The following CRY1 variants were observed in gnomAD, a reference collection of about 807,000 sequenced individuals.
CRY1 encodes cryptochrome circadian regulator 1.
Under a neutral mutation model 76.0 loss-of-function variants are expected in CRY1, and 45 were observed. The observed-to-expected ratio is 0.59, with a 90% CI of 0.47 to 0.76. The LOEUF is 0.76. Ranked by LOEUF, CRY1 falls within the 30% of genes least tolerant of loss-of-function variation. The pLI is 0.00. For synonymous variants in CRY1, 248 were observed against 244.0 expected (o/e 1.02, Z -0.15); for missense variants, 587 against 716.4 (o/e 0.82, Z 2.06).
chr12:107,069,682 GTATA>G (rs1297236389), intron 1 of CRY1, among the ~76,000 whole-genome samples: 17 of 138,118 alleles, frequency 1.2e-4, no homozygotes, highest in Admixed American at 1.5e-4. Context: ...TATATATAAA[GTATA>G]TATATAAAGT....
chr12:107,075,291 G>A (rs760841856), intron 1 of CRY1, among the ~76,000 whole-genome samples: 10 of 152,074 alleles, frequency 6.6e-5, no homozygotes, highest in African/African-American at 2.2e-4. Flanking sequence ...TTTTCATCAC[G>A]TAATTTAAAT....
intron 1 of CRY1, among the ~76,000 whole-genome samples, chr12:107,050,953 G>A (rs1407699869): frequency 6.6e-6 from 1 of 152,162 alleles, no homozygotes; most frequent in Admixed American, 6.6e-5. Context: ...GACTTAACAG[G>A]AAGTGAGTAT....
intron 1 of CRY1, among the ~76,000 whole-genome samples, chr12:107,068,257 T>C (rs1489492304): frequency 2.6e-5 from 4 of 152,340 alleles, no homozygotes; most frequent in Admixed American, 6.5e-5. Context: ...ACTATTTGAT[T>C]ACAATTTTTT....
chr12:107,024,805 A>G (rs1256299853), intron 1 of CRY1, among the ~76,000 whole-genome samples: 2 of 152,228 alleles, frequency 1.3e-5, no homozygotes, highest in East Asian at 3.8e-4. Flanking sequence ...ACAAAAGACT[A>G]AAAGCTGTAT....
intron 1 of CRY1, among the ~76,000 whole-genome samples, chr12:107,089,991 A>C (rs978499823): frequency 2.0e-5 from 3 of 152,204 alleles, no homozygotes; most frequent in African/African-American, 7.2e-5. Context: ...AAATTGCTAA[A>C]TCCAATTTTT....
At chr12:107,058,803 C>A (rs1481649475) in intron 1 of CRY1, among the ~76,000 whole-genome samples, 1 of 152,122 alleles carries the variant, frequency 6.6e-6, no homozygotes, top group Non-Finnish European at 1.5e-5. Flanking sequence ...AAATTCTAAC[C>A]TGGAATAAGG....
chr12:107,074,036 A>C (rs1194004003), intron 1 of CRY1, among the ~76,000 whole-genome samples: 1 of 152,168 alleles, frequency 6.6e-6, no homozygotes, highest in African/African-American at 2.4e-5. Flanking sequence ...GGGATCTCAA[A>C]ATATAATCAG....
chr12:107,039,247 G>A (rs2136864602), intron 1 of CRY1, among the ~76,000 whole-genome samples: 1 of 152,258 alleles, frequency 6.6e-6, no homozygotes, highest in East Asian at 1.9e-4. Flanking sequence ...GAAAACAGAG[G>A]AAAAAGCTTT....
chr12:107,008,958 T>C (rs1356346555), intron 2 of CRY1, among the ~76,000 whole-genome samples: 1 of 152,170 alleles, frequency 6.6e-6, no homozygotes, highest in Middle Eastern at 3.2e-3. Flanking sequence ...AAACTGTGAG[T>C]CAATTACATC....
At chr12:107,090,216 G>C (rs543349634) in intron 1 of CRY1, among the ~76,000 whole-genome samples, 1 of 151,438 alleles carries the variant, frequency 6.6e-6, no homozygotes, top group Non-Finnish European at 1.5e-5. Flanking sequence ...CAGCCTCCTC[G>C]AGTAGCTGGG....
At chr12:107,062,665 A>G (rs1306665578) in intron 1 of CRY1, among the ~76,000 whole-genome samples, 1 of 152,220 alleles carries the variant, frequency 6.6e-6, no homozygotes, top group Non-Finnish European at 1.5e-5. Flanking sequence ...CATTTCTACA[A>G]TGCACACTGG....
At position 107,075,859 on chromosome 12, in the gene CRY1, G is replaced by A. The variant is rs572590004; in HGVS notation, c.158+16945C>T. On this transcript the variant is annotated intron_variant, in intron 1 of 12. Transcript: ENST00000008527. ...ATGGATATGAGATTTAATTTGAAGG[G>A]AAAAGCTCTAACAATTGTTTTAGGA... 9.9e-5 allele frequency among the ~76,000 whole-genome samples: 15 copies of A among 152,232 alleles called. No individual in the cohort carries two copies. The South Asian group carries it at 2.9e-3, about 30-fold the overall frequency.
At chr12:107,011,988 G>C (rs1952449856) in intron 2 of CRY1, among the ~76,000 whole-genome samples, 1 of 152,060 alleles carries the variant, frequency 6.6e-6, no homozygotes, top group African/African-American at 2.4e-5. Flanking sequence ...TCAGGAGTTC[G>C]AGACCAGTCT....
At chr12:107,068,890 T>C (rs1278292044) in intron 1 of CRY1, among the ~76,000 whole-genome samples, 1 of 152,224 alleles carries the variant, frequency 6.6e-6, no homozygotes, top group Non-Finnish European at 1.5e-5. Context: ...GTGTCTGACA[T>C]CCATGTTGTA....
chr12:107,048,087 AT>A (rs35101973), intron 1 of CRY1, among the ~76,000 whole-genome samples: 4 of 149,914 alleles, frequency 2.7e-5, no homozygotes, highest in South Asian at 2.1e-4. Flanking sequence ...ATCCATTCAG[AT>A]TTTTTTTTTT....
chr12:107,001,824 T>C lies in CRY1; in HGVS notation c.535A>G (p.Thr179Ala), dbSNP rs201634474. 115 of 1,592,024 alleles carry C rather than the reference T, an allele frequency of 7.2e-5. No individual in the cohort carries two copies. In the Middle Eastern group the frequency reaches 8.3e-4, roughly 12 times the overall value. ...TCATGGTCATCAGACAGAGGAGTTG[T>C]GCACTTTTCTATCACTTCTGAAGTA... ...TITSEVIEKC[T>A]TPLSDDHDEK... The change falls in exon 4 of 13, where the codon ACA becomes GCA. Residue 179 changes from threonine to alanine, a missense_variant. Coordinates refer to ENST00000008527, the MANE Select transcript of CRY1 (RefSeq NM_004075.5).
chr12:107,088,086 G>T (rs1051131571), intron 1 of CRY1, among the ~76,000 whole-genome samples: 3 of 151,998 alleles, frequency 2.0e-5, no homozygotes, highest in African/African-American at 7.3e-5. Flanking sequence ...ATATTTGGGG[G>T]GCTAGAAGTG....
chr12:107,013,796 G>A lies in CRY1; in HGVS notation c.267+8288C>T, dbSNP rs189826467. On this transcript the variant is annotated intron_variant, in intron 2 of 12. Coordinates refer to ENST00000008527, the MANE Select transcript of CRY1 (RefSeq NM_004075.5). ...GAACTTCATATTTTTTTAAAACTCC[G>A]TTTAAAATAAGCTATTTTAAAAGAT... 7.6e-4 allele frequency among the ~76,000 whole-genome samples: 116 copies of A among 152,082 alleles called. No homozygotes were observed. In the East Asian group the frequency reaches 8.3e-3, roughly 11 times the overall value.
At chr12:107,016,887 A>G (rs1333048402) in intron 2 of CRY1, among the ~76,000 whole-genome samples, 6 of 152,190 alleles carry the variant, frequency 3.9e-5, no homozygotes, top group Admixed American at 1.3e-4. Flanking sequence ...CATATATCAC[A>G]TATAGGCAAA....
Sources: allele counts gnomAD v4.1 joint callset (sites outside exome capture counted in the v4.1 genomes callset), GRCh38; gene constraint gnomAD v4.1.1; transcripts MANE v1.5; gene names NCBI Gene and HGNC (gene_info 2026-07-23, HGNC 2026-07-21).